Variants in CTNNA3 observed in about 807,000 individuals in gnomAD.
The protein encoded by CTNNA3 is catenin alpha-3.
Under a neutral mutation model 95.7 loss-of-function variants are expected in CTNNA3, and 76 were observed. The observed-to-expected ratio is 0.79, with a 90% CI of 0.66 to 0.96. The LOEUF (loss-of-function observed/expected upper bound fraction) is 0.96, where lower values mean the gene tolerates loss of function less well. Among genes scored for constraint, CTNNA3 ranks in the 40% least tolerant of loss-of-function variants. The probability of loss-of-function intolerance (pLI) is 0.00; values close to 1 mark genes in which losing one functional copy is unlikely to be tolerated. For synonymous variants in CTNNA3, 431 were observed against 374.4 expected, an observed-to-expected ratio of 1.15 and a Z score of -1.74; for missense variants, 1,191 against 1,089.8, an observed-to-expected ratio of 1.09 and a Z score of -1.31.
intron 7 of CTNNA3, among the ~76,000 whole-genome samples, chr10:67,036,669 T>C (rs79369450): frequency 6.6e-6 from 1 of 152,150 alleles, no homozygotes; most frequent in Admixed American, 6.6e-5. Context: ...AGGGGTTTTA[T>C]TTTTAAGAGT....
intron 1 of CTNNA3, among the ~76,000 whole-genome samples, chr10:67,671,621 G>T (rs371757385): frequency 1.3e-5 from 2 of 149,874 alleles, no homozygotes; most frequent in African/African-American, 2.5e-5. Flanking sequence ...TTGGTTTTTT[G>T]TCCTTGCGAT....
intron 5 of CTNNA3, among the ~76,000 whole-genome samples, chr10:67,420,339 C>T (rs1845703227): frequency 6.6e-6 from 1 of 152,036 alleles, no homozygotes; most frequent in African/African-American, 2.4e-5. Context: ...ATAATTTTAA[C>T]ATATAGTACA....
chr10:66,132,174 TAGTC>T (rs755481313), intron 13 of CTNNA3, among the ~76,000 whole-genome samples: 5 of 152,166 alleles, frequency 3.3e-5, no homozygotes, highest in Non-Finnish European at 4.4e-5. Flanking sequence ...AAAAGTCTAA[TAGTC>T]AGCATCTATA....
chr10:67,131,989 T>C (rs1248596280), intron 7 of CTNNA3, among the ~76,000 whole-genome samples: 2 of 152,050 alleles, frequency 1.3e-5, no homozygotes, highest in Admixed American at 6.6e-5. Context: ...AGGCCAATGA[T>C]TGGAAGAAAC....
At chr10:66,438,463 C>A (rs1051373608) in intron 11 of CTNNA3, among the ~76,000 whole-genome samples, 1 of 152,152 alleles carries the variant, frequency 6.6e-6, no homozygotes, top group Non-Finnish European at 1.5e-5. Flanking sequence ...TGGGCCCCAC[C>A]CAGTTTGAAC....
intron 9 of CTNNA3, among the ~76,000 whole-genome samples, chr10:66,651,353 A>G (rs1231733653): frequency 6.6e-6 from 1 of 152,060 alleles, no homozygotes; most frequent in Non-Finnish European, 1.5e-5. Context: ...CAGCTAGACA[A>G]AAAAGTTCTC....
At chr10:66,685,912 T>C (rs1193054307) in intron 9 of CTNNA3, among the ~76,000 whole-genome samples, 2 of 152,120 alleles carry the variant, frequency 1.3e-5, no homozygotes, top group African/African-American at 4.8e-5. Flanking sequence ...ATAGAGGGGA[T>C]TAGATATAGA....
chr10:66,527,648 T>C (rs1841315726), intron 10 of CTNNA3, among the ~76,000 whole-genome samples: 1 of 152,196 alleles, frequency 6.6e-6, no homozygotes, highest in Admixed American at 6.5e-5. Flanking sequence ...TAAAAGTCTT[T>C]CACCTCTTTC....
At chr10:67,209,047 G>C (rs567642666) in intron 6 of CTNNA3, among the ~76,000 whole-genome samples, 5 of 107,940 alleles carry the variant, frequency 4.6e-5, no homozygotes, top group African/African-American at 2.6e-4. Context: ...GTTATTTTTT[G>C]TTGTTGTTGT....
chr10:67,087,248 A>C (rs1857357744), intron 7 of CTNNA3, among the ~76,000 whole-genome samples: 1 of 152,028 alleles, frequency 6.6e-6, no homozygotes, highest in African/African-American at 2.4e-5. Flanking sequence ...AGAGGTTAAC[A>C]CAGAAGGGTC....
chr10:67,605,421 T>C (rs1843234928), intron 3 of CTNNA3, among the ~76,000 whole-genome samples: 1 of 152,292 alleles, frequency 6.6e-6, no homozygotes, highest in South Asian at 2.1e-4. Context: ...GTTGCAGTTA[T>C]GAAGAATGAG....
At chr10:66,115,061 G>A (rs2082271995) in intron 13 of CTNNA3, among the ~76,000 whole-genome samples, 1 of 151,998 alleles carries the variant, frequency 6.6e-6, no homozygotes, top group East Asian at 1.9e-4. Context: ...GAGTGTTATA[G>A]GAAAATCTGC....
intron 5 of CTNNA3, among the ~76,000 whole-genome samples, chr10:67,245,849 T>A (rs868560840): frequency 1.5e-5 from 2 of 131,734 alleles, no homozygotes; most frequent in African/African-American, 6.7e-5. Context: ...TGCGAGACTC[T>A]GTCTCCAAAA....
rs550551198 is a variant in CTNNA3 at position 66,185,992 on chromosome 10, C to T, written c.1885-82743G>A. Reference sequence around the variant, plus strand: ...ACACGGATATGTACACACATACACACATATAAAAATATATATGTTCAATGG... The same window carrying T: ...ACACGGATATGTACACACATACACATATATAAAAATATATATGTTCAATGG... On this transcript the variant is annotated intron_variant, in intron 13 of 17. Transcript: ENST00000433211. Among the ~76,000 whole-genome samples, 144 of 151,882 alleles carry T rather than the reference C, an allele frequency of 9.5e-4. 4 individuals carry two copies. In the South Asian group the frequency reaches 0.028, roughly 29 times the overall value.
chr10:66,239,346 A>T (rs2132034036), intron 13 of CTNNA3, among the ~76,000 whole-genome samples: 1 of 151,908 alleles, frequency 6.6e-6, no homozygotes, highest in East Asian at 1.9e-4. Flanking sequence ...AACTTTGGAG[A>T]TTGAAAAAAG....
At position 65,966,745 on chromosome 10, in the gene CTNNA3, C is replaced by A; in HGVS notation, c.2267G>T (p.Cys756Phe). The A allele has an allele frequency of 6.2e-7, 1 of 1,604,786 alleles. No individual in the cohort carries two copies. Among genetic ancestry groups the A allele is most frequent in the African/African-American group, 1.3e-5 (1 of 74,814 alleles). ...GTCCTGTTTACAAGATGGATCTGGG[C>A]ACTAAATATGAATCAAAGATAAAAA... Reference protein sequence around the residue: ...DVLARQIANQCPDPSCKQDLL... With the variant: ...DVLARQIANQFPDPSCKQDLL... Residue 756 changes from cysteine to phenylalanine, a missense_variant and splice_region_variant, in exon 17 of 18, where the codon TGC (cysteine) becomes TTC (phenylalanine). By Grantham distance (205) the Cys-to-Phe change is radical. Coordinates refer to ENST00000433211, the MANE Select transcript of CTNNA3 (RefSeq NM_013266.4).
chr10:67,360,045 C>T (rs1241579975), intron 5 of CTNNA3, among the ~76,000 whole-genome samples: 3 of 152,080 alleles, frequency 2.0e-5, no homozygotes, highest in Non-Finnish European at 2.9e-5. Flanking sequence ...AATTGGGAGC[C>T]TATTTTTGGC....
chr10:67,411,551 C>G (rs1297796437), intron 5 of CTNNA3, among the ~76,000 whole-genome samples: 1 of 151,992 alleles, frequency 6.6e-6, no homozygotes, highest in Non-Finnish European at 1.5e-5. Context: ...GAAGAATATT[C>G]ATTGGATTGT....
chr10:67,653,164 T>A (rs1310705508), intron 1 of CTNNA3, among the ~76,000 whole-genome samples: 1 of 152,108 alleles, frequency 6.6e-6, no homozygotes, highest in East Asian at 1.9e-4. Flanking sequence ...TCTCACATGG[T>A]GAGAACAGGA....
Sources: gnomAD v4.1 joint callset for allele counts (sites outside exome capture counted in the v4.1 genomes callset) on GRCh38, gnomAD v4.1.1 for gene constraint, MANE v1.5 for transcripts, NCBI Gene and HGNC (gene_info 2026-07-23, HGNC 2026-07-21) for gene names.